ADCY1: variants seen among roughly 807,000 people sequenced by gnomAD.
ADCY1 encodes the protein adenylate cyclase 1, also known as adenylate cyclase type 1.
Under a neutral mutation model 105.4 loss-of-function variants are expected in ADCY1, and 28 were observed. The observed-to-expected ratio is 0.27, with a 90% CI of 0.20 to 0.36. The LOEUF (loss-of-function observed/expected upper bound fraction) is 0.36, where lower values mean the gene tolerates loss of function less well. Among genes scored for constraint, ADCY1 ranks in the 10% least tolerant of loss-of-function variants. The pLI is 1.00. For synonymous variants in ADCY1, 655 were observed against 623.8 expected, an observed-to-expected ratio of 1.05 and a Z score of -0.75; for missense variants, 977 against 1,434.2, an observed-to-expected ratio of 0.68 and a Z score of 5.15.
In ADCY1 at chr7:45,677,993, A is replaced by C; in HGVS notation, c.1730A>C (p.Gln577Pro). Reference sequence around the variant, plus strand: ...ATCAGCCGCCTCTTAGAAGCCCGCCAGACAGAGCTGGAGATGGCAGACCTG... The same window carrying C: ...ATCAGCCGCCTCTTAGAAGCCCGCCCGACAGAGCTGGAGATGGCAGACCTG... ...RYISRLLEAR[Q>P]TELEMADLNF... Residue 577 changes from glutamine (Q) to proline (P), a missense_variant, in exon 9 of 20, where the codon CAG (glutamine) becomes CCG (proline). Gln to Pro is a moderately conservative substitution (Grantham distance 76, BLOSUM62 -1). This residue lies in a region of ADCY1 where 275 missense variants were observed against 362.1 expected (regional missense o/e 0.76). Transcript: ENST00000297323. 6.2e-7 allele frequency: 1 copy of C among 1,614,210 alleles called. No homozygotes were observed. The highest frequency in any genetic ancestry group is 8.5e-7 in the Non-Finnish European group (1 of 1,180,030).
intron 14 of ADCY1, among the ~76,000 whole-genome samples, chr7:45,693,675 T>A (rs1784824345): frequency 6.6e-6 from 1 of 151,862 alleles, no homozygotes; most frequent in South Asian, 2.1e-4. Context: ...CGTATGTTTA[T>A]TGCGGCACTA....
intron 4 of ADCY1, among the ~76,000 whole-genome samples, chr7:45,645,752 A>G (rs1794646076): frequency 6.6e-6 from 1 of 152,130 alleles, no homozygotes; most frequent in African/African-American, 2.4e-5. Flanking sequence ...AGGGATGATC[A>G]GGGACCCACA....
At position 45,591,019 on chromosome 7, in the gene ADCY1, C is replaced by G. The variant is rs914125359; in HGVS notation, c.640-1740C>G. Among the ~76,000 whole-genome samples, 2 of 152,186 alleles carry G rather than the reference C, an allele frequency of 1.3e-5. No individual in the cohort carries two copies. The highest frequency in any genetic ancestry group is 2.4e-5 in the African/African-American group (1 of 41,442). On this transcript the variant is annotated intron_variant, in intron 1 of 19. Transcript: ENST00000297323. This position sits in a 1 kb window ranked among gnomAD's most constrained non-coding sequence, Gnocchi z 4.1. The stretch of plus-strand genomic sequence containing the variant: ...GCTGTCAGCTGGAGCCCTGCAGATT[C>G]GTGTTCCTTGTCCTCCCTCCCTGTC...
intron 8 of ADCY1, among the ~76,000 whole-genome samples, chr7:45,666,289 C>T (rs1455393201): frequency 6.6e-6 from 1 of 152,164 alleles, no homozygotes; most frequent in Non-Finnish European, 1.5e-5. Context: ...TCCCCACTCC[C>T]CCCACACCAC....
intron 14 of ADCY1, among the ~76,000 whole-genome samples, chr7:45,689,475 C>A (rs1784746574): frequency 6.6e-6 from 1 of 152,026 alleles, no homozygotes; most frequent in South Asian, 2.1e-4. Flanking sequence ...ATACATGTCA[C>A]ATGGCGAGAG....
intron 8 of ADCY1, among the ~76,000 whole-genome samples, chr7:45,673,891 A>G (rs1413560979): frequency 2.0e-5 from 3 of 148,702 alleles, no homozygotes; most frequent in African/African-American, 7.5e-5. Flanking sequence ...GTAAGTATTT[A>G]GTACTATTAA....
intron 4 of ADCY1, among the ~76,000 whole-genome samples, chr7:45,643,270 ATT>A (rs11313310): frequency 2.7e-5 from 4 of 149,344 alleles, no homozygotes; most frequent in Middle Eastern, 3.4e-3. Flanking sequence ...TTGAGATAGG[ATT>A]TTTTTTTTAG....
chr7:45,601,880 T>C (rs781623519), intron 2 of ADCY1, among the ~76,000 whole-genome samples: 1 of 152,020 alleles, frequency 6.6e-6, no homozygotes, highest in Non-Finnish European at 1.5e-5. Context: ...GCAGTGTGGA[T>C]GGAGGACACC....
chr7:45,711,343 C>G (rs192520670), intron 19 of ADCY1, among the ~76,000 whole-genome samples: 3 of 151,972 alleles, frequency 2.0e-5, no homozygotes, highest in Non-Finnish European at 4.4e-5. Context: ...TCCCCAGGCA[C>G]GTGACAGCAG....
chr7:45,576,097 C>T (rs1359406914), intron 1 of ADCY1, among the ~76,000 whole-genome samples: 9 of 152,186 alleles, frequency 5.9e-5, no homozygotes, highest in Non-Finnish European at 8.8e-5. Context: ...TTGTTTCTGC[C>T]TCTAGCTGCA....
rs113847688 is a variant in ADCY1, at chr7:45,630,215, G to A, written c.1020+7472G>A. 3.4e-3 allele frequency among the ~76,000 whole-genome samples: 525 copies of A among 152,180 alleles called. 4 individuals are homozygous for A. Among genetic ancestry groups the A allele is most frequent in the African/African-American group, 0.012 (500 of 41,528 alleles). ...TGATCCCTGAGACTTTGGCTTGTTTGTTTATTCTCTTAACAGTGTTGTTTG... is the reference window on the plus strand; with the variant it reads ...TGATCCCTGAGACTTTGGCTTGTTTATTTATTCTCTTAACAGTGTTGTTTG... On this transcript the variant is annotated intron_variant, in intron 4 of 19. Transcript: ENST00000297323.
At chr7:45,697,508 A>C (rs1784909963) in intron 14 of ADCY1, among the ~76,000 whole-genome samples, 1 of 148,036 alleles carries the variant, frequency 6.8e-6, no homozygotes. Context: ...CTCCTGCCTC[A>C]GCCTCCTGAG....
intron 4 of ADCY1, among the ~76,000 whole-genome samples, chr7:45,629,763 C>G (rs7809348): frequency 6.6e-6 from 1 of 152,172 alleles, no homozygotes; most frequent in Non-Finnish European, 1.5e-5. Flanking sequence ...TCATGATCCA[C>G]CCGCCTCGGC....
At position 45,657,906 on chromosome 7, in the gene ADCY1, G is replaced by A. The variant is rs1381028205; in HGVS notation, c.1307+21G>A. 5 of 1,550,246 alleles carry A rather than the reference G, an allele frequency of 3.2e-6. No homozygotes were observed. The Admixed American group carries it at 5.4e-5, about 17-fold the overall frequency. ...CCAGGGTAAGTCGGGGATGGGGTGGGGAGGGGAGGGAGGTGGGTGATGGCT... is the reference window on the plus strand; with the variant it reads ...CCAGGGTAAGTCGGGGATGGGGTGGAGAGGGGAGGGAGGTGGGTGATGGCT... On this transcript the variant is annotated intron_variant, in intron 6 of 19. Transcript: ENST00000297323.
chr7:45,611,094 G>T (rs796105520), intron 3 of ADCY1, among the ~76,000 whole-genome samples: 17 of 150,224 alleles, frequency 1.1e-4, no homozygotes, highest in Non-Finnish European at 2.2e-4. Context: ...TGATGGTGGA[G>T]GTGGGGAGGT....
chr7:45,636,534 C>G (rs1794401750), intron 4 of ADCY1, among the ~76,000 whole-genome samples: 1 of 152,012 alleles, frequency 6.6e-6, no homozygotes, highest in South Asian at 2.1e-4. Context: ...TATTTTTAGT[C>G]TGTTTGTGTG....
In ADCY1 at chr7:45,686,035, G is replaced by A. The variant is rs748614348; in HGVS notation, c.2147G>A (p.Arg716His). The A allele has an allele frequency of 3.0e-5, 48 of 1,613,778 alleles. No homozygotes were observed. The highest frequency in any genetic ancestry group is 1.3e-4 in the East Asian group (6 of 44,870). Residue 716 changes from arginine to histidine, a missense_variant, in exon 13 of 20, where the codon CGC becomes CAC. Physicochemically the swap from Arg to His is conservative, Grantham distance 29. Around this residue, in one of 7 missense-constraint regions of ADCY1, gnomAD observed 275 missense variants for 362.1 expected, o/e 0.76. Transcript: ENST00000297323. This position sits in a 1 kb window ranked among gnomAD's most constrained non-coding sequence, Gnocchi z 4.3. ...GTGGTCCTTTCGTCTGGGGGCCAGCGCACAGCCCTGCCCACCCTGCCCTGC... is the reference window on the plus strand; with the variant it reads ...GTGGTCCTTTCGTCTGGGGGCCAGCACACAGCCCTGCCCACCCTGCCCTGC... ...SLVVLSSGGQRTALPTLPCES... is the reference protein window; with the variant it reads ...SLVVLSSGGQHTALPTLPCES...
intron 4 of ADCY1, among the ~76,000 whole-genome samples, chr7:45,643,848 T>G (rs900855421): frequency 6.6e-6 from 1 of 152,192 alleles, no homozygotes; most frequent in African/African-American, 2.4e-5. Flanking sequence ...AAACTGTTCC[T>G]GGAGAGTGCT....
At chr7:45,601,252 C>T (rs552984067) in intron 2 of ADCY1, among the ~76,000 whole-genome samples, 9 of 152,092 alleles carry the variant, frequency 5.9e-5, no homozygotes, top group Non-Finnish European at 1.2e-4. Context: ...CCCTTCCCCC[C>T]CTGCTCTTAC....
Sources: gnomAD v4.1 joint callset for allele counts (sites outside exome capture counted in the v4.1 genomes callset) on GRCh38, gnomAD v4.1.1 for gene constraint, gnomAD v4.1.1 regional missense constraint, Gnocchi (gnomAD v3.1) non-coding constraint, MANE v1.5 for transcripts, NCBI Gene and HGNC (gene_info 2026-07-23, HGNC 2026-07-21) for gene names.